Variants in KIAA1755 observed in about 807,000 individuals in gnomAD.
The protein encoded by KIAA1755 is KIAA1755, also known as uncharacterized protein KIAA1755.
In KIAA1755, 68 loss-of-function variants were observed where a neutral mutation model predicts 91.7. The observed-to-expected ratio is 0.74, with a 90% confidence interval of 0.61 to 0.91. The LOEUF (loss-of-function observed/expected upper bound fraction) is 0.91. KIAA1755 is among the 40% of genes least tolerant of loss of function. The pLI is 0.00. For synonymous variants in KIAA1755, 610 were observed against 604.6 expected (o/e 1.01, Z -0.13); for missense variants, 1,535 against 1,494.4 (o/e 1.03, Z -0.45).
rs2075679870 is a variant in KIAA1755 at position 38,222,575 on chromosome 20, T to G, written c.2291A>C (p.Lys764Thr). 1.9e-6 allele frequency: 3 copies of G among 1,612,968 alleles called. No homozygotes were observed. In the East Asian group the frequency reaches 6.7e-5, roughly 36 times the overall value. The change falls in exon 10 of 14, where the codon AAG (lysine) becomes ACG (threonine). Residue 764 changes from lysine to threonine, a missense_variant. Coordinates refer to ENST00000279024, the MANE Select transcript of KIAA1755 (RefSeq NM_001029864.2). ...CACAGCCTCCATCAGCTCCTTGGAC[T>G]TGCTCAGGCACCTGGTAGCCTCCTG... is the stretch of plus-strand genomic sequence containing the variant. ...GMQEATRCLS[K>T]SKELMEAVLR...
intron 12 of KIAA1755, 98 bp downstream of exon 12, chr20:38,218,129 TCTCTGGAACTTTTCTTG>T (rs1242434466): frequency 1.4e-6 from 2 of 1,382,862 alleles, no homozygotes; most frequent in African/African-American, 2.8e-5. Context: ...TCCCTCACTG[TCTCTGGAACTTTTCTTG>T]CTCTTTCCCA....
intron 10 of KIAA1755, among the ~76,000 whole-genome samples, chr20:38,220,720 T>C (rs2075643186): frequency 6.6e-6 from 1 of 152,156 alleles, no homozygotes. Flanking sequence ...CAGCGCACGA[T>C]GTTTGTCAGG....
rs2075860203 is a variant in KIAA1755 at position 38,231,339 on chromosome 20, G to GT, written c.1748-15_1748-14insA. ...TGTCCCGGCCACCTGGAGGACAGAGGGCACACGTGAGCAGTGAGAACTTGT... is the reference window on the plus strand; with the variant it reads ...TGTCCCGGCCACCTGGAGGACAGAGGTGCACACGTGAGCAGTGAGAACTTGT... On this transcript the variant is annotated splice_polypyrimidine_tract_variant and intron_variant, in intron 4 of 13. Coordinates refer to ENST00000279024, the MANE Select transcript of KIAA1755 (RefSeq NM_001029864.2). The GT allele has an allele frequency of 6.2e-7, 1 of 1,601,522 alleles. No individual in the cohort carries two copies. The highest frequency in any genetic ancestry group is 8.5e-7 in the Non-Finnish European group (1 of 1,175,436).
At chr20:38,217,841 G>T in intron 12 of KIAA1755, 1 of 358,114 alleles carries the variant, frequency 2.8e-6, no homozygotes, top group East Asian at 5.6e-5. Context: ...CCCCGCCCCC[G>T]CCCCCGCTCC....
intron 1 of KIAA1755, among the ~76,000 whole-genome samples, chr20:38,258,125 T>C (rs2076371743): frequency 6.6e-6 from 1 of 152,162 alleles, no homozygotes; most frequent in Non-Finnish European, 1.5e-5. Context: ...GGTCTTGAAC[T>C]CCTGACCTCT....
intron 10 of KIAA1755, among the ~76,000 whole-genome samples, chr20:38,222,003 C>T (rs957713769): frequency 3.3e-5 from 5 of 152,214 alleles, no homozygotes; most frequent in African/African-American, 1.2e-4. Flanking sequence ...GCTTCAAATC[C>T]CTTACCAGCC....
intron 1 of KIAA1755, among the ~76,000 whole-genome samples, chr20:38,259,820 C>CCACCACA (rs1555833571): frequency 7.9e-5 from 11 of 138,696 alleles, no homozygotes; most frequent in Non-Finnish European, 1.4e-4. Context: ...ACCACCACCA[C>CCACCACA]CACACACACA....
rs771158471 is a variant in KIAA1755, at chr20:38,240,991, T to C, written c.1140A>G (p.Ala380=). 6.2e-7 allele frequency: 1 copy of C among 1,614,164 alleles called. No individual in the cohort carries two copies. Among genetic ancestry groups the C allele is most frequent in the Non-Finnish European group, 8.5e-7 (1 of 1,180,018 alleles). The change falls in exon 3 of 14, where the codon GCA becomes GCG. Residue 380 remains alanine, a synonymous_variant. Transcript: ENST00000279024. Reference sequence around the variant, plus strand: ...CCCTGAGACCAGAGGCACAGTCCAGTGCGTCCTCAAGGACATTCATGTAGG... The same window carrying C: ...CCCTGAGACCAGAGGCACAGTCCAGCGCGTCCTCAAGGACATTCATGTAGG... ...QGSYMNVLED[A]LDCASGLRAG...
intron 10 of KIAA1755, among the ~76,000 whole-genome samples, chr20:38,220,924 A>G (rs1391480002): frequency 1.3e-5 from 2 of 152,234 alleles, no homozygotes; most frequent in Non-Finnish European, 2.9e-5. Flanking sequence ...GTCACTAAGG[A>G]AGAAGTGTGG....
chr20:38,253,112 G>T (rs1391591329), intron 1 of KIAA1755, among the ~76,000 whole-genome samples: 3 of 152,154 alleles, frequency 2.0e-5, no homozygotes, highest in Non-Finnish European at 4.4e-5. Context: ...CAGCGGGTGT[G>T]AGGCTGAAAA....
At chr20:38,225,118 C>T (rs1477506579) in intron 8 of KIAA1755, among the ~76,000 whole-genome samples, 2 of 152,142 alleles carry the variant, frequency 1.3e-5, no homozygotes, top group Non-Finnish European at 2.9e-5. Context: ...CTCAGCCTCC[C>T]GAGTAGCTGG....
At chr20:38,223,402 A>G (rs2075696342) in intron 9 of KIAA1755, 136 bp downstream of exon 9, 1 of 621,154 alleles carries the variant, frequency 1.6e-6, no homozygotes. Flanking sequence ...TGCCCCTCAA[A>G]TATGAGTCAA....
At chr20:38,218,638 C>A (rs546544449) in intron 11 of KIAA1755, among the ~76,000 whole-genome samples, 1 of 152,352 alleles carries the variant, frequency 6.6e-6, no homozygotes, top group South Asian at 2.1e-4. Flanking sequence ...TGAATGAAGG[C>A]ACAGGGTGGT....
rs945607851 is a variant in KIAA1755 at position 38,218,524 on chromosome 20, C to T, written c.2557-158G>A. The stretch of plus-strand genomic sequence containing the variant: ...GGACTGAAATTCTCCCAATTCTGGG[C>T]GTGGGAAGAAATGACTTGGGGAGGG... On this transcript the variant is annotated intron_variant, in intron 11 of 13. Transcript: ENST00000279024. Among the ~76,000 whole-genome samples, 6 of 152,286 alleles carry T rather than the reference C, an allele frequency of 3.9e-5. No homozygotes were observed. In the South Asian group the frequency reaches 8.3e-4, roughly 21 times the overall value.
chr20:38,233,099 T>C (rs2075898754), intron 4 of KIAA1755, among the ~76,000 whole-genome samples: 1 of 152,072 alleles, frequency 6.6e-6, no homozygotes, highest in South Asian at 2.1e-4. Context: ...CCAGCCTGGG[T>C]GACAGAGTGA....
rs756972408 is a variant in KIAA1755 at position 38,213,591 on chromosome 20, C to T, written c.3054G>A (p.Gly1018=). The change falls in exon 14 of 14, where the codon GGG becomes GGA. Residue 1018 remains glycine (G), a synonymous_variant. Coordinates refer to ENST00000279024, the MANE Select transcript of KIAA1755 (RefSeq NM_001029864.2). The part of the protein sequence containing the change: ...EFPAEKLAAV[G]LQVASLSRAG... ...CCCGGCTCAGGGAGGCCACCTGCAGCCCCACGGCTGCGAGCTTCTCAGCAG... is the reference window on the plus strand; with the variant it reads ...CCCGGCTCAGGGAGGCCACCTGCAGTCCCACGGCTGCGAGCTTCTCAGCAG... The T allele has an allele frequency of 1.2e-6, 2 of 1,608,942 alleles. No homozygotes were observed.
At chr20:38,223,920 G>A (rs1033686819) in intron 8 of KIAA1755, among the ~76,000 whole-genome samples, 5 of 152,188 alleles carry the variant, frequency 3.3e-5, no homozygotes, top group African/African-American at 1.2e-4. Context: ...AACCACTGGT[G>A]TTGAGTATGA....
chr20:38,246,617 G>A (rs2076165877), intron 1 of KIAA1755, among the ~76,000 whole-genome samples: 1 of 152,202 alleles, frequency 6.6e-6, no homozygotes. Context: ...ATGGGAGAGT[G>A]AGAATAAGTG....
At chr20:38,221,433 C>T (rs1176409125) in intron 10 of KIAA1755, among the ~76,000 whole-genome samples, 1 of 152,048 alleles carries the variant, frequency 6.6e-6, no homozygotes, top group Non-Finnish European at 1.5e-5. Context: ...CCAGTGCTGC[C>T]CGTGCGTCCA....
Sources: gnomAD v4.1 joint callset for allele counts (sites outside exome capture counted in the v4.1 genomes callset) on GRCh38, gnomAD v4.1.1 for gene constraint, MANE v1.5 for transcripts, NCBI Gene and HGNC (gene_info 2026-07-23, HGNC 2026-07-21) for gene names.